PPP3CA: variants seen among roughly 807,000 people sequenced by gnomAD.
PPP3CA encodes the protein protein phosphatase 3 catalytic subunit alpha.
PPP3CA carries 14 observed loss-of-function variants against 66.5 expected under a neutral mutation model. The observed-to-expected ratio is 0.21, with a 90% CI of 0.14 to 0.33. The LOEUF (loss-of-function observed/expected upper bound fraction) is 0.33. Ranked by LOEUF, PPP3CA falls within the 10% of genes least tolerant of loss-of-function variation. The pLI is 1.00. For missense variants in PPP3CA, 317 were observed against 639.5 expected (o/e 0.50, Z 5.44); for synonymous variants, 232 against 226.2 (o/e 1.03, Z -0.23).
chr4:101,102,766 T>C (rs766333652), intron 3 of PPP3CA, among the ~76,000 whole-genome samples: 3 of 152,214 alleles, frequency 2.0e-5, no homozygotes, highest in Non-Finnish European at 4.4e-5. Context: ...GTTAATTGTT[T>C]ATTTTTGTCT....
At chr4:101,057,409 A>G (rs1728272731) in intron 10 of PPP3CA, among the ~76,000 whole-genome samples, 1 of 152,218 alleles carries the variant, frequency 6.6e-6, no homozygotes, top group Non-Finnish European at 1.5e-5. Context: ...TTCTTCTTAA[A>G]TGGCAAATTT....
chr4:101,054,587 T>C (rs748478172), intron 10 of PPP3CA, among the ~76,000 whole-genome samples: 2 of 152,074 alleles, frequency 1.3e-5, no homozygotes, highest in African/African-American at 4.8e-5. Context: ...ACCAGTAAGA[T>C]ACAACATTAG....
chr4:101,290,703 G>C (rs750421530), intron 1 of PPP3CA, among the ~76,000 whole-genome samples: 5 of 152,174 alleles, frequency 3.3e-5, no homozygotes, highest in African/African-American at 4.8e-5. Context: ...TAATGCTATT[G>C]AGAAAAATAA....
At chr4:101,202,343 C>T (rs779758534) in intron 1 of PPP3CA, among the ~76,000 whole-genome samples, 36 of 152,080 alleles carry the variant, frequency 2.4e-4, no homozygotes, top group Admixed American at 5.2e-4. Flanking sequence ...GATTCTACTT[C>T]TGAACAAAGA....
chr4:101,133,635 G>C (rs1388394400), intron 2 of PPP3CA, among the ~76,000 whole-genome samples: 1 of 152,076 alleles, frequency 6.6e-6, no homozygotes, highest in Non-Finnish European at 1.5e-5. Flanking sequence ...TCATGGATAG[G>C]AAGGATCAAT....
At chr4:101,220,966 A>C (rs1489696158) in intron 1 of PPP3CA, among the ~76,000 whole-genome samples, 1 of 151,760 alleles carries the variant, frequency 6.6e-6, no homozygotes, top group East Asian at 1.9e-4. Flanking sequence ...GCCACTTTAC[A>C]TGAGTATTTT....
At chr4:101,126,961 C>G (rs1423202422) in intron 2 of PPP3CA, among the ~76,000 whole-genome samples, 1 of 152,112 alleles carries the variant, frequency 6.6e-6, no homozygotes, top group African/African-American at 2.4e-5. Flanking sequence ...AGGGTAAGTG[C>G]CAAGTGTAAG....
Position 101,025,809 on chromosome 4 carries a change from GC to G in PPP3CA, c.*55del. 1.6e-6 allele frequency: 2 copies of G among 1,278,466 alleles called. No homozygotes were observed. Among genetic ancestry groups the G allele is most frequent in the South Asian group, 3.1e-5 (2 of 63,894 alleles). The allele number at this position is 1,278,466 out of a possible 1,614,324, so 79.2% of individuals were successfully genotyped here. ...GCTGATATGCAGCAATCCCCATCAT[GC>G]CCCGCAGCTCAAAAAAAAAAAAAAA... On this transcript the variant is annotated 3_prime_UTR_variant, in exon 14 of 14. Coordinates refer to ENST00000394854, the MANE Select transcript of PPP3CA (RefSeq NM_000944.5).
Position 101,106,469 on chromosome 4 carries a change from A to G in PPP3CA, c.384+2485T>C, listed in dbSNP as rs1219154245. Among the ~76,000 whole-genome samples the G allele has an allele frequency of 4.0e-3, 163 of 40,686 alleles. 43 individuals carry two copies. Among genetic ancestry groups the G allele is most frequent in the African/African-American group, 0.026 (158 of 6,156 alleles). 26.7% of individuals were successfully genotyped at this position (40,686 alleles called of 152,430 possible). A position where few individuals can be genotyped will look rare whatever the true frequency, so the allele number is the denominator to read the frequency against. On this transcript the variant is annotated intron_variant, in intron 3 of 13. Transcript: ENST00000394854. ...AGAAAGAAAGAGAAAAGAAAAGAAA[A>G]GAAAAGAAAAGAAAAGAAAAGAAAA...
chr4:101,043,699 C>T (rs961354511), intron 10 of PPP3CA, among the ~76,000 whole-genome samples: 1 of 152,026 alleles, frequency 6.6e-6, no homozygotes, highest in Non-Finnish European at 1.5e-5. Flanking sequence ...GTGGTGAAAC[C>T]CCGTCTCTAC....
intron 1 of PPP3CA, among the ~76,000 whole-genome samples, chr4:101,228,976 C>T (rs1422580205): frequency 6.6e-6 from 1 of 151,572 alleles, no homozygotes; most frequent in Non-Finnish European, 1.5e-5. Flanking sequence ...GATTGGACAA[C>T]CAGCATGCAA....
At chr4:101,265,809 C>T (rs1367821929) in intron 1 of PPP3CA, among the ~76,000 whole-genome samples, 7 of 152,142 alleles carry the variant, frequency 4.6e-5, no homozygotes, top group African/African-American at 1.4e-4. Flanking sequence ...ATCTAAGAAA[C>T]TCCACTGGTC....
At chr4:101,124,800 A>AAAGAAAGG (rs879679931) in intron 2 of PPP3CA, among the ~76,000 whole-genome samples, 1 of 76,874 alleles carries the variant, frequency 1.3e-5, no homozygotes, top group African/African-American at 7.8e-5. Flanking sequence ...AGAAAGAAAG[A>AAAGAAAGG]GAAAACTGTA....
intron 2 of PPP3CA, among the ~76,000 whole-genome samples, chr4:101,159,183 T>C (rs1188706196): frequency 1.3e-5 from 2 of 152,222 alleles, no homozygotes; most frequent in African/African-American, 4.8e-5. Context: ...CCTGGCAGTC[T>C]GGCCGCAGGG....
At position 101,106,458 on chromosome 4, in the gene PPP3CA, A is replaced by AGAAAGAAAGAAAGAAAGAAGAGAAG. The variant is rs1560605216; in HGVS notation, c.384+2495_384+2496insCTTCTCTTCTTTCTTTCTTTCTTTC. ...GAAAGAAAGAAAGAAAGAAAGAGAA[A>AGAAAGAAAGAAAGAAAGAAGAGAAG]AGAAAAGAAAAGAAAAGAAAAGAAA... On this transcript the variant is annotated intron_variant, in intron 3 of 13. Transcript: ENST00000394854. Among the ~76,000 whole-genome samples, 33 of 32,716 alleles carry AGAAAGAAAGAAAGAAAGAAGAGAAG rather than the reference A, an allele frequency of 1.0e-3. 4 individuals are homozygous for AGAAAGAAAGAAAGAAAGAAGAGAAG. The highest frequency in any genetic ancestry group is 1.6e-3 in the Admixed American group (6 of 3,648). 21.5% of individuals were successfully genotyped at this position (32,716 alleles called of 152,430 possible). A position where few individuals can be genotyped will look rare whatever the true frequency, so the allele number is the denominator to read the frequency against.
intron 2 of PPP3CA, among the ~76,000 whole-genome samples, chr4:101,189,754 AG>A (rs374602532): frequency 0.016 from 2,484 of 151,490 alleles, 29 homozygotes; most frequent in Non-Finnish European, 0.024. Flanking sequence ...AAAACAACTC[AG>A]TTTATCCCCC....
intron 2 of PPP3CA, among the ~76,000 whole-genome samples, chr4:101,130,275 T>C (rs1219828926): frequency 5.3e-5 from 8 of 152,224 alleles, no homozygotes; most frequent in Middle Eastern, 3.4e-3. Context: ...CTATGTTTGA[T>C]TGGGGTACCT....
intron 1 of PPP3CA, among the ~76,000 whole-genome samples, chr4:101,209,457 C>T (rs1304618803): frequency 2.0e-5 from 3 of 152,210 alleles, no homozygotes; most frequent in South Asian, 2.1e-4. Context: ...ACTCCCTTAC[C>T]ACTAGACTGT....
intron 11 of PPP3CA, among the ~76,000 whole-genome samples, chr4:101,032,722 ATGT>A (rs1293461434): frequency 5.3e-5 from 8 of 152,166 alleles, no homozygotes; most frequent in Non-Finnish European, 4.4e-5. Context: ...GAGAATGCTG[ATGT>A]TAAGTTTTTC....
Sources: allele counts gnomAD v4.1 joint callset (sites outside exome capture counted in the v4.1 genomes callset), GRCh38; gene constraint gnomAD v4.1.1; transcripts MANE v1.5; gene names NCBI Gene and HGNC (gene_info 2026-07-23, HGNC 2026-07-21).